The following ZNF385D variants were observed in gnomAD, a reference collection of about 807,000 sequenced individuals.
The protein encoded by ZNF385D is zinc finger protein 385D, also known as zinc finger protein 659.
Under a neutral mutation model 35.8 loss-of-function variants are expected in ZNF385D, and 15 were observed. The observed-to-expected ratio is 0.42, with a 90% confidence interval of 0.28 to 0.64. ZNF385D has a LOEUF of 0.64. Among genes scored for constraint, ZNF385D ranks in the 30% least tolerant of loss-of-function variants. The pLI is 0.23. For synonymous variants in ZNF385D, 212 were observed against 186.8 expected (o/e 1.13, Z -1.10); for missense variants, 474 against 494.6 (o/e 0.96, Z 0.39).
intron 1 of ZNF385D, among the ~76,000 whole-genome samples, chr3:21,711,613 C>A (rs11926582): frequency 0.46 from 69,670 of 151,988 alleles, 16,839 homozygotes; most frequent in African/African-American, 0.62. Context: ...CAGAAATTCC[C>A]CATCTCCCAT....
chr3:22,160,572 AAGAAT>A (rs1207680552), intron 3 of ZNF385D, among the ~76,000 whole-genome samples: 1 of 152,116 alleles, frequency 6.6e-6, no homozygotes, highest in African/African-American at 2.4e-5. Flanking sequence ...GGAAAGAAAA[AAGAAT>A]AGATCAGTGA....
In ZNF385D at chr3:21,692,690, G is replaced by A. The variant is rs773049531; in HGVS notation, c.23-27662C>T. On this transcript the variant is annotated intron_variant, in intron 1 of 7. Coordinates refer to ENST00000281523, the MANE Select transcript of ZNF385D (RefSeq NM_024697.3). Reference sequence around the variant, plus strand: ...AGAACACCTATCCCTCCCAAAGAGTGCATGTCTTCATTCGTCTTCCTATAT... The same window carrying A: ...AGAACACCTATCCCTCCCAAAGAGTACATGTCTTCATTCGTCTTCCTATAT... Among the ~76,000 whole-genome samples, 6 of 152,292 alleles carry A rather than the reference G, an allele frequency of 3.9e-5. No individual in the cohort carries two copies. The South Asian group carries it at 1.0e-3, about 26-fold the overall frequency.
intron 2 of ZNF385D, among the ~76,000 whole-genome samples, chr3:21,644,506 C>G (rs2065695635): frequency 6.6e-6 from 1 of 152,072 alleles, no homozygotes; most frequent in African/African-American, 2.4e-5. Flanking sequence ...ACCAGAGTAC[C>G]CAGAGAAAAC....
chr3:22,107,652 A>G (rs919105700), intron 3 of ZNF385D, among the ~76,000 whole-genome samples: 4 of 152,128 alleles, frequency 2.6e-5, no homozygotes, highest in Non-Finnish European at 5.9e-5. Context: ...ATGCATTAAA[A>G]TATTAAATAA....
intron 2 of ZNF385D, among the ~76,000 whole-genome samples, chr3:22,228,349 C>T (rs1698685646): frequency 6.6e-6 from 1 of 152,100 alleles, no homozygotes. Context: ...AGCAGGTTGG[C>T]AGGTCACTGG....
At chr3:22,116,379 C>A (rs1409015762) in intron 3 of ZNF385D, among the ~76,000 whole-genome samples, 1 of 152,004 alleles carries the variant, frequency 6.6e-6, no homozygotes, top group Admixed American at 6.6e-5. Context: ...AAGAAGATTG[C>A]TCCAATTCAA....
chr3:21,766,708 C>A (rs62236241), intron 3 of ZNF385D, among the ~76,000 whole-genome samples: 1 of 151,588 alleles, frequency 6.6e-6, no homozygotes, highest in African/African-American at 2.4e-5. Flanking sequence ...GATAGAATAG[C>A]TGAAAGTGAA....
intron 2 of ZNF385D, among the ~76,000 whole-genome samples, chr3:21,654,361 T>C (rs1214315835): frequency 6.6e-6 from 1 of 152,122 alleles, no homozygotes; most frequent in Non-Finnish European, 1.5e-5. Flanking sequence ...ATCTTACTTT[T>C]ACTCTACTAC....
intron 2 of ZNF385D, among the ~76,000 whole-genome samples, chr3:21,569,080 G>T (rs555327844): frequency 2.0e-5 from 3 of 152,036 alleles, no homozygotes; most frequent in Admixed American, 6.6e-5. Context: ...TATTAGGTCC[G>T]CTTGGTGCAG....
At chr3:21,905,295 T>G (rs1699624359) in intron 3 of ZNF385D, among the ~76,000 whole-genome samples, 1 of 151,488 alleles carries the variant, frequency 6.6e-6, no homozygotes, top group Non-Finnish European at 1.5e-5. Context: ...TTTTCATAGC[T>G]GTCACTTTGT....
rs541284654 is a variant in ZNF385D at position 21,560,028 on chromosome 3, T to G, written c.276+4546A>C. 2.6e-5 allele frequency among the ~76,000 whole-genome samples: 4 copies of G among 152,330 alleles called. No homozygotes were observed. The South Asian group carries it at 8.3e-4, about 32-fold the overall frequency. ...CCATCACGTCGTTTATGTTCTTCTC[T>G]AAACTGGTTATTCTAGTTAGCAATT... On this transcript the variant is annotated intron_variant, in intron 3 of 7. Coordinates refer to ENST00000281523, the MANE Select transcript of ZNF385D (RefSeq NM_024697.3).
intron 2 of ZNF385D, among the ~76,000 whole-genome samples, chr3:22,249,282 A>T (rs1489665646): frequency 6.6e-6 from 1 of 152,168 alleles, no homozygotes; most frequent in East Asian, 1.9e-4. Context: ...CCCCCCACCC[A>T]TATTAGCAAC....
chr3:21,683,572 G>A lies in ZNF385D; in HGVS notation c.23-18544C>T, dbSNP rs755611113. Among the ~76,000 whole-genome samples, 9 of 149,206 alleles carry A rather than the reference G, an allele frequency of 6.0e-5. 1 individual carries two copies. Among genetic ancestry groups the A allele is most frequent in the African/African-American group, 1.2e-4 (5 of 40,436 alleles). On this transcript the variant is annotated intron_variant, in intron 1 of 7. Transcript: ENST00000281523. The stretch of plus-strand genomic sequence containing the variant: ...GCGAAGGTTGCAGTGAGCCGAGATC[G>A]CACCACTGCACTCCAGCCTGGGTGA...
chr3:22,235,880 G>A lies in ZNF385D; in HGVS notation c.107-66845C>T, dbSNP rs1035548146. ...TAAAAAAGTGCCCAGATTCATGTTC[G>A]ACAAATAAAAAGTAAAAAGTAAATA... is the stretch of plus-strand genomic sequence containing the variant. On this transcript the variant is annotated intron_variant, in intron 2 of 5. Transcript: ENST00000494108. Among the ~76,000 whole-genome samples the A allele has an allele frequency of 5.9e-5, 9 of 151,950 alleles. No individual in the cohort carries two copies. In the South Asian group the frequency reaches 8.3e-4, roughly 14 times the overall value.
intron 3 of ZNF385D, among the ~76,000 whole-genome samples, chr3:21,905,205 CAAAAAAAAAAA>C (rs63147760): frequency 4.3e-5 from 3 of 69,730 alleles, no homozygotes; most frequent in African/African-American, 5.7e-5. Context: ...ACAAAAAATC[CAAAAAAAAAAA>C]AAAAAAAAAA....
chr3:22,219,764 A>T (rs1218023406), intron 2 of ZNF385D, among the ~76,000 whole-genome samples: 2 of 152,188 alleles, frequency 1.3e-5, no homozygotes, highest in East Asian at 3.9e-4. Context: ...GGAATGAATA[A>T]AGATTTTGAA....
At chr3:22,067,321 T>C (rs1700007809) in intron 3 of ZNF385D, among the ~76,000 whole-genome samples, 1 of 152,224 alleles carries the variant, frequency 6.6e-6, no homozygotes, top group Non-Finnish European at 1.5e-5. Context: ...TAATCTTTAA[T>C]AACTGTCTTA....
chr3:22,265,473 C>G (rs900696990), intron 2 of ZNF385D, among the ~76,000 whole-genome samples: 1 of 152,026 alleles, frequency 6.6e-6, no homozygotes, highest in East Asian at 1.9e-4. Context: ...TTAAAACTCA[C>G]CAGGCCTTTT....
At chr3:21,450,527 G>A (rs1702396512) in intron 4 of ZNF385D, among the ~76,000 whole-genome samples, 1 of 152,088 alleles carries the variant, frequency 6.6e-6, no homozygotes, top group African/African-American at 2.4e-5. Flanking sequence ...AGTGATGAAG[G>A]ATTGGGCAGA....
Sources: gnomAD v4.1 joint callset for allele counts (sites outside exome capture counted in the v4.1 genomes callset) on GRCh38, gnomAD v4.1.1 for gene constraint, MANE v1.5 for transcripts, NCBI Gene and HGNC (gene_info 2026-07-23, HGNC 2026-07-21) for gene names.